Variants in ASB7 observed in about 807,000 individuals in gnomAD.
ASB7 encodes ankyrin repeat and SOCS box containing 7.
Under a neutral mutation model 32.5 loss-of-function variants are expected in ASB7, and 4 were observed. That is an observed-to-expected ratio of 0.12 (90% CI 0.06 to 0.28). The LOEUF (loss-of-function observed/expected upper bound fraction) is 0.28, where lower values mean the gene tolerates loss of function less well. Ranked by LOEUF, ASB7 falls within the 10% of genes least tolerant of loss-of-function variation. The pLI, the probability that ASB7 is intolerant of heterozygous loss-of-function variation, is 1.00. For synonymous variants in ASB7, 172 were observed against 155.6 expected (o/e 1.11, Z -0.78); for missense variants, 181 against 407.1 (o/e 0.44, Z 4.78).
chr15:100,630,009 C>A lies in ASB7; in HGVS notation c.784C>A (p.Arg262=), dbSNP rs1416200070. ...TTCAATAAGTATTTCTGGAAGTAGT[C>A]GACCATGTTTGGATTTCTTACAAGA... ...AVSISISGSS[R]PCLDFLQEVT... Residue 262 remains arginine (R), a synonymous_variant, in exon 5 of 6, where the codon CGA becomes AGA. Transcript: ENST00000332783. 1 of 1,607,550 alleles carries A rather than the reference C, an allele frequency of 6.2e-7. No individual in the cohort carries two copies. The highest frequency in any genetic ancestry group is 1.1e-5 in the South Asian group (1 of 90,342).
intron 4 of ASB7, among the ~76,000 whole-genome samples, chr15:100,615,252 C>T (rs1337696142): frequency 6.6e-6 from 1 of 152,110 alleles, no homozygotes; most frequent in African/African-American, 2.4e-5. Context: ...GACTGTATAT[C>T]TATATATATT....
chr15:100,612,595 C>T (rs1421374212), intron 4 of ASB7, 168 bp downstream of exon 4: 3 of 679,146 alleles, frequency 4.4e-6, no homozygotes, highest in Non-Finnish European at 7.4e-6. Context: ...TGTTTAAAAC[C>T]AGATTGTTTA....
intron 2 of ASB7, among the ~76,000 whole-genome samples, chr15:100,606,397 A>T (rs2039645409): frequency 6.6e-6 from 1 of 152,254 alleles, no homozygotes; most frequent in South Asian, 2.1e-4. Context: ...TTTTAATGAT[A>T]ATAATATGCA....
intron 5 of ASB7, among the ~76,000 whole-genome samples, chr15:100,633,611 G>A (rs1345952668): frequency 6.6e-6 from 1 of 150,530 alleles, no homozygotes; most frequent in Non-Finnish European, 1.5e-5. Context: ...AAGGAAAGGG[G>A]AAAGGGAAAG....
intron 5 of ASB7, among the ~76,000 whole-genome samples, chr15:100,647,051 A>G (rs911986800): frequency 1.3e-5 from 2 of 152,202 alleles, no homozygotes; most frequent in African/African-American, 4.8e-5. Flanking sequence ...GTTTTGGAAA[A>G]TATAGTTACT....
intron 5 of ASB7, among the ~76,000 whole-genome samples, chr15:100,636,632 C>A (rs2141403978): frequency 6.6e-6 from 1 of 152,290 alleles, no homozygotes; most frequent in East Asian, 1.9e-4. Context: ...GCTTCCTTCT[C>A]TGAAAAACAG....
chr15:100,611,497 T>TTTTTTTTTTTTTA (rs2039695381), intron 3 of ASB7, among the ~76,000 whole-genome samples: 2 of 141,536 alleles, frequency 1.4e-5, no homozygotes, highest in African/African-American at 2.6e-5. Flanking sequence ...TTTTTTTTTT[T>TTTTTTTTTTTTTA]GAGACAGAAT....
chr15:100,645,442 G>A lies in ASB7; in HGVS notation c.818-2881G>A, dbSNP rs1385670890. On this transcript the variant is annotated intron_variant, in intron 5 of 5. Transcript: ENST00000332783. ...CGAGTTCATGCCCCCCGGAATATCT[G>A]TAGGAATACAGTTTATTATCTGCTC... is the stretch of plus-strand genomic sequence containing the variant. 6 of 410,842 alleles carry A rather than the reference G, an allele frequency of 1.5e-5. No homozygotes were observed. The Admixed American group carries it at 2.1e-4, about 15-fold the overall frequency. 25.4% of individuals were successfully genotyped at this position (410,842 alleles called of 1,614,324 possible). A position where few individuals can be genotyped will look rare whatever the true frequency, so the allele number is the denominator to read the frequency against.
chr15:100,627,833 G>A (rs866216119), intron 4 of ASB7, among the ~76,000 whole-genome samples: 5 of 152,206 alleles, frequency 3.3e-5, no homozygotes, highest in Non-Finnish European at 5.9e-5. Context: ...CTGGCAAGAT[G>A]TTTTGTTTCA....
At chr15:100,615,213 A>G (rs2141390838) in intron 4 of ASB7, among the ~76,000 whole-genome samples, 1 of 152,326 alleles carries the variant, frequency 6.6e-6, no homozygotes, top group Middle Eastern at 3.4e-3. Flanking sequence ...AGTCCTCAGA[A>G]TGTATCCCTG....
chr15:100,608,347 T>A (rs1596996656), intron 2 of ASB7, among the ~76,000 whole-genome samples: 3 of 152,342 alleles, frequency 2.0e-5, no homozygotes, highest in South Asian at 4.1e-4. Context: ...GAGGAGAGAC[T>A]ACCTATACAA....
intron 5 of ASB7, among the ~76,000 whole-genome samples, chr15:100,642,846 G>A (rs985595782): frequency 6.6e-6 from 1 of 152,192 alleles, no homozygotes; most frequent in African/African-American, 2.4e-5. Flanking sequence ...AGACCAGCCT[G>A]ACCAATATGG....
At chr15:100,642,789 C>T (rs1443575562) in intron 5 of ASB7, among the ~76,000 whole-genome samples, 1 of 152,246 alleles carries the variant, frequency 6.6e-6, no homozygotes, top group African/African-American at 2.4e-5. Flanking sequence ...GCCATCCCAG[C>T]ACCTTGGGAG....
chr15:100,606,001 C>A (rs28462671), intron 2 of ASB7, among the ~76,000 whole-genome samples: 2,996 of 152,244 alleles, frequency 0.02, 90 homozygotes, highest in African/African-American at 0.068. Flanking sequence ...GGATCATAAC[C>A]ACTATGCTAT....
intron 5 of ASB7, among the ~76,000 whole-genome samples, chr15:100,633,251 G>A (rs1050918826): frequency 2.6e-5 from 4 of 151,674 alleles, no homozygotes; most frequent in African/African-American, 9.7e-5. Context: ...ATTAAAGAGA[G>A]AACAGTGAAG....
rs2039701791 is a variant in ASB7 at position 100,612,161 on chromosome 15, T to G, written c.-51-5T>G. ...TTTTACCTTTTCTACCTTCTCTTCT[T>G]AAAGGCTGATCCCCGTAACCTAATG... On this transcript the variant is annotated splice_polypyrimidine_tract_variant and splice_region_variant and intron_variant, in intron 3 of 5. Coordinates refer to ENST00000332783, the MANE Select transcript of ASB7 (RefSeq NM_198243.3). 6.7e-7 allele frequency: 1 copy of G among 1,483,306 alleles called. No homozygotes were observed. Among genetic ancestry groups the G allele is most frequent in the Non-Finnish European group, 9.4e-7 (1 of 1,066,786 alleles). The allele number at this position is 1,483,306 out of a possible 1,614,324, so 91.9% of individuals were successfully genotyped here.
At chr15:100,638,563 AG>A (rs2039940377) in intron 5 of ASB7, 2 of 152,196 alleles carry the variant, frequency 1.3e-5, no homozygotes, top group Non-Finnish European at 2.9e-5. Context: ...CAGGTTTCAG[AG>A]GTTCGCCGTG....
intron 5 of ASB7, among the ~76,000 whole-genome samples, chr15:100,630,545 G>A (rs1036538756): frequency 4.6e-5 from 7 of 152,180 alleles, no homozygotes; most frequent in African/African-American, 1.7e-4. Context: ...GTGGTGCTGT[G>A]TATTTAGGGA....
intron 5 of ASB7, among the ~76,000 whole-genome samples, chr15:100,638,800 C>T (rs1389931154): frequency 1.3e-5 from 2 of 152,076 alleles, no homozygotes; most frequent in Admixed American, 6.5e-5. Flanking sequence ...GTTTTAAGGC[C>T]CGCATGCATT....
Sources: allele counts gnomAD v4.1 joint callset (sites outside exome capture counted in the v4.1 genomes callset), GRCh38; gene constraint gnomAD v4.1.1; transcripts MANE v1.5; gene names NCBI Gene and HGNC (gene_info 2026-07-23, HGNC 2026-07-21).